Variants in GSPT1 observed in about 807,000 individuals in gnomAD.
GSPT1 encodes the protein G1 to S phase transition 1.
In GSPT1, 20 loss-of-function variants were observed where a neutral mutation model predicts 72.5. The ratio of observed to expected loss-of-function variants is 0.28; its 90% CI spans 0.19 to 0.40. The LOEUF is 0.40. GSPT1 is among the 10% of genes least tolerant of loss of function. The pLI is 1.00. For synonymous variants in GSPT1, 334 were observed against 293.5 expected (o/e 1.14, Z -1.41); for missense variants, 580 against 811.9 (o/e 0.71, Z 3.47).
In GSPT1 at chr16:11,891,253, ATG is replaced by A. The variant is rs570189420; in HGVS notation, c.699-116_699-115del. On this transcript the variant is annotated intron_variant, in intron 5 of 14. Coordinates refer to ENST00000434724, the MANE Select transcript of GSPT1 (RefSeq NM_002094.4). ...CAACGTCAGAAAATAGTTATTTTAT[ATG>A]TGTGTGTCTGTCTAAAAAAATATAA... 9.8e-4 allele frequency: 486 copies of A among 495,368 alleles called. 3 individuals carry two copies. The Admixed American group carries it at 0.015, about 16-fold the overall frequency. The allele number at this position is 495,368 out of a possible 1,614,324, so 30.7% of individuals were successfully genotyped here. A position where few individuals can be genotyped will look rare whatever the true frequency, so the allele number is the denominator to read the frequency against.
chr16:11,908,695 G>A lies in GSPT1; in HGVS notation c.352+6674C>T, dbSNP rs1241074392. ...GAATGGCGTGAACCCGGGAGGCGGA[G>A]CTTGCAGTGAGCCGAGATCCCGCCA... On this transcript the variant is annotated intron_variant, in intron 1 of 14. Coordinates refer to ENST00000434724, the MANE Select transcript of GSPT1 (RefSeq NM_002094.4). 2.1e-3 allele frequency: 118 copies of A among 57,188 alleles called. 38 individuals carry two copies. Among genetic ancestry groups the A allele is most frequent in the African/African-American group, 0.013 (105 of 8,122 alleles). 3.5% of individuals were successfully genotyped at this position (57,188 alleles called of 1,614,324 possible). A position where few individuals can be genotyped will look rare whatever the true frequency, so the allele number is the denominator to read the frequency against.
chr16:11,892,515 A>AAAAT lies in GSPT1; in HGVS notation c.699-1377_699-1376insATTT, dbSNP rs1417357427. ...CAGGGAGACCCTTTCTCAAAAAAAC[A>AAAAT]AAAAAAACAAAAAAAACAAAAAATA... On this transcript the variant is annotated intron_variant, in intron 5 of 14. Transcript: ENST00000434724. Among the ~76,000 whole-genome samples, 23 of 132,742 alleles carry AAAAT rather than the reference A, an allele frequency of 1.7e-4. 1 individual carries two copies. The highest frequency in any genetic ancestry group is 6.8e-4 in the African/African-American group (22 of 32,440). The allele number at this position is 132,742 out of a possible 152,430, so 87.1% of individuals were successfully genotyped here. A position where few individuals can be genotyped will look rare whatever the true frequency, so the allele number is the denominator to read the frequency against.
At chr16:11,901,779 G>A (rs1372529930) in intron 1 of GSPT1, among the ~76,000 whole-genome samples, 2 of 150,984 alleles carry the variant, frequency 1.3e-5, no homozygotes, top group African/African-American at 4.9e-5. Context: ...GTGAAAGAGT[G>A]AGACCCTGTC....
At chr16:11,914,919 G>T in intron 1 of GSPT1, 1 of 897,066 alleles carries the variant, frequency 1.1e-6, no homozygotes, top group Non-Finnish European at 1.6e-6. Context: ...CGCTCTCTCG[G>T]CTGGGCCTAA....
At chr16:11,887,019 G>A (rs1158348465) in intron 7 of GSPT1, 88 bp from the exon 8 acceptor site, 24 of 721,358 alleles carry the variant, frequency 3.3e-5, no homozygotes, top group South Asian at 1.5e-4. Flanking sequence ...GTTATATCAC[G>A]AGTTTTTTTT....
intron 4 of GSPT1, 143 bp from the exon 5 acceptor site, chr16:11,895,130 T>C: frequency 1.7e-6 from 1 of 589,234 alleles, no homozygotes; most frequent in Non-Finnish European, 3.1e-6. Context: ...ACCCTTCTCC[T>C]TTTGAAAATG....
chr16:11,876,873 C>T (rs1009767341), intron 12 of GSPT1, among the ~76,000 whole-genome samples: 4 of 152,226 alleles, frequency 2.6e-5, no homozygotes, highest in African/African-American at 9.6e-5. Context: ...TTATCCATTT[C>T]TCAATATCCA....
intron 5 of GSPT1, among the ~76,000 whole-genome samples, chr16:11,893,033 C>G (rs143125946): frequency 1.3e-5 from 2 of 151,924 alleles, no homozygotes; most frequent in South Asian, 4.2e-4. Context: ...GTTTTTGCAA[C>G]CATTCCGTAA....
chr16:11,876,568 C>A (rs1313476534), intron 12 of GSPT1, among the ~76,000 whole-genome samples: 1 of 152,082 alleles, frequency 6.6e-6, no homozygotes, highest in Non-Finnish European at 1.5e-5. Context: ...ATGGTGAAAC[C>A]CTGTCTCTAC....
rs536886621 is a variant in GSPT1, at chr16:11,915,758, G to A, written c.-38C>T. The A allele has an allele frequency of 8.3e-5, 129 of 1,561,272 alleles. 1 individual carries two copies. In the African/African-American group the frequency reaches 1.4e-3, roughly 16 times the overall value. On this transcript the variant is annotated 5_prime_UTR_variant, in exon 1 of 15. Transcript: ENST00000434724. Reference sequence around the variant, plus strand: ...CGTGTGTGTGGTGGACAGAGAGCGGGAAATGGAGGCAGGGGCGCCCGGCCG... The same window carrying A: ...CGTGTGTGTGGTGGACAGAGAGCGGAAAATGGAGGCAGGGGCGCCCGGCCG...
chr16:11,894,578 T>A (rs548324652), intron 5 of GSPT1, among the ~76,000 whole-genome samples: 2 of 152,346 alleles, frequency 1.3e-5, no homozygotes, highest in Non-Finnish European at 2.9e-5. Context: ...TCATTTTTTA[T>A]TTTTAAAAAA....
At chr16:11,876,001 A>C in intron 13 of GSPT1, 72 bp from the exon 14 acceptor site, 1 of 1,470,264 alleles carries the variant, frequency 6.8e-7, no homozygotes, top group Non-Finnish European at 9.5e-7. Flanking sequence ...AGGTGTAGAA[A>C]TAAAAGTGCA....
At chr16:11,876,210 C>CTTA (rs1378520733) in intron 12 of GSPT1, 35 bp from the exon 13 acceptor site, 1 of 1,288,982 alleles carries the variant, frequency 7.8e-7, no homozygotes, top group South Asian at 1.2e-5. Flanking sequence ...TATCTTTAGC[C>CTTA]TTAGGGTAAA....
chr16:11,880,758 G>T (rs1596458092), intron 11 of GSPT1, among the ~76,000 whole-genome samples: 1 of 152,174 alleles, frequency 6.6e-6, no homozygotes, highest in Non-Finnish European at 1.5e-5. Context: ...GAATTGGGTT[G>T]TTCAGGTTTT....
rs1034626200 is a variant in GSPT1, at chr16:11,872,204, T to G, written c.*915A>C. ...ATTTATAAATACTACCAGAGGAATT[T>G]TTGCCAGGTCTCAAACATGCTTTAT... On this transcript the variant is annotated 3_prime_UTR_variant, in exon 15 of 15. Coordinates refer to ENST00000434724, the MANE Select transcript of GSPT1 (RefSeq NM_002094.4). The G allele has an allele frequency of 3.3e-5, 5 of 152,168 alleles. No individual in the cohort carries two copies. Among genetic ancestry groups the G allele is most frequent in the African/African-American group, 1.2e-4 (5 of 41,432 alleles). 9.4% of individuals were successfully genotyped at this position (152,168 alleles called of 1,614,324 possible). A position where few individuals can be genotyped will look rare whatever the true frequency, so the allele number is the denominator to read the frequency against.
In GSPT1 at chr16:11,877,408, T is replaced by C; in HGVS notation, c.1601A>G (p.Gln534Arg). The change falls in exon 12 of 15, where the codon CAG becomes CGG. Residue 534 changes from glutamine to arginine, a missense_variant and splice_region_variant. Physicochemically the swap from Gln to Arg is conservative, Grantham distance 43 (BLOSUM62 1). Transcript: ENST00000434724. The surrounding 1 kb of genome is among the most constrained non-coding windows in gnomAD (Gnocchi z 4.0). ...TGACAACAACAATAATTTGTTTACCTGGGCATCAAATGTGCGTCCAGAATG... is the reference window on the plus strand; with the variant it reads ...TGACAACAACAATAATTTGTTTACCCGGGCATCAAATGTGCGTCCAGAATG... ...LCHSGRTFDAQIVIIEHKSII... is the reference protein window; with the variant it reads ...LCHSGRTFDARIVIIEHKSII... The C allele has an allele frequency of 6.4e-7, 1 of 1,571,480 alleles. No individual in the cohort carries two copies. Among genetic ancestry groups the C allele is most frequent in the South Asian group, 1.2e-5 (1 of 84,896 alleles).
rs2054067774 is a variant in GSPT1, at chr16:11,877,915, T to C, written c.1429-335A>G. ...TGGATTTCAGTTTTATGGATATAAT[T>C]TTTATTATTATGGAATTCTATGAAG... On this transcript the variant is annotated intron_variant, in intron 11 of 14. Transcript: ENST00000434724. This position sits in a 1 kb window ranked among gnomAD's most constrained non-coding sequence, Gnocchi z 4.0. 6.6e-6 allele frequency among the ~76,000 whole-genome samples: 1 copy of C among 152,206 alleles called. No individual in the cohort carries two copies.
At position 11,871,178 on chromosome 16, in the gene GSPT1, G is replaced by A. The variant is rs1364322038; in HGVS notation, c.*1941C>T. The A allele has an allele frequency of 6.6e-6, 1 of 152,132 alleles. No homozygotes were observed. The highest frequency in any genetic ancestry group is 1.5e-5 in the Non-Finnish European group (1 of 68,036). The allele number at this position is 152,132 out of a possible 1,614,324, so 9.4% of individuals were successfully genotyped here. ...AAATCTATTTAAATTTCATGCAATA[G>A]CCATAATTATAGTTTTAAGAATCTG... On this transcript the variant is annotated 3_prime_UTR_variant, in exon 15 of 15. Transcript: ENST00000434724.
chr16:11,885,937 C>T (rs779352484), intron 9 of GSPT1, among the ~76,000 whole-genome samples: 1 of 151,904 alleles, frequency 6.6e-6, no homozygotes, highest in Non-Finnish European at 1.5e-5. Context: ...AGAATAAACT[C>T]GTATTTATGG....
Sources: allele counts gnomAD v4.1 joint callset (sites outside exome capture counted in the v4.1 genomes callset), GRCh38; gene constraint gnomAD v4.1.1; non-coding constraint Gnocchi (gnomAD v3.1); transcripts MANE v1.5; gene names NCBI Gene and HGNC (gene_info 2026-07-23, HGNC 2026-07-21).